The following FSTL5 variants were observed in gnomAD, a reference collection of about 807,000 sequenced individuals.
The protein encoded by FSTL5 is follistatin-related protein 5.
A neutral mutation model predicts 89.1 loss-of-function variants in FSTL5; 62 were observed. That is an observed-to-expected ratio of 0.70 (90% CI 0.57 to 0.86). FSTL5 has a LOEUF of 0.86. Among genes scored for constraint, FSTL5 ranks in the 40% least tolerant of loss-of-function variants. FSTL5 has a pLI of 0.00. For synonymous variants in FSTL5, 383 were observed against 346.2 expected, an observed-to-expected ratio of 1.11 and a Z score of -1.18; for missense variants, 1,057 against 1,001.6, an observed-to-expected ratio of 1.06 and a Z score of -0.75.
intron 2 of FSTL5, among the ~76,000 whole-genome samples, chr4:162,078,526 T>G (rs1237165500): frequency 6.6e-6 from 1 of 151,790 alleles, no homozygotes; most frequent in Non-Finnish European, 1.5e-5. Flanking sequence ...TCTCCCAGAG[T>G]GCCAGGAAAC....
intron 4 of FSTL5, among the ~76,000 whole-genome samples, chr4:161,776,424 T>C (rs543572996): frequency 2.6e-4 from 40 of 152,150 alleles, no homozygotes; most frequent in African/African-American, 5.3e-4. Context: ...TATTTCTGTA[T>C]TGATAGTTTT....
intron 7 of FSTL5, among the ~76,000 whole-genome samples, chr4:161,587,818 C>A (rs564931068): frequency 6.6e-6 from 1 of 152,098 alleles, no homozygotes; most frequent in Non-Finnish European, 1.5e-5. Context: ...ATTTGAAATG[C>A]ATGTTTAATA....
chr4:161,489,534 C>T (rs1369390718), intron 12 of FSTL5, among the ~76,000 whole-genome samples: 1 of 151,686 alleles, frequency 6.6e-6, no homozygotes, highest in African/African-American at 2.4e-5. Context: ...TAATTTAAAC[C>T]TAGTATGGAT....
At chr4:161,808,368 C>T (rs1317632771) in intron 4 of FSTL5, among the ~76,000 whole-genome samples, 1 of 152,038 alleles carries the variant, frequency 6.6e-6, no homozygotes, top group Non-Finnish European at 1.5e-5. Context: ...GTACAGAGTC[C>T]CTGTACAGAT....
intron 8 of FSTL5, among the ~76,000 whole-genome samples, chr4:161,568,385 G>A (rs1333360273): frequency 6.6e-6 from 1 of 152,160 alleles, no homozygotes; most frequent in Non-Finnish European, 1.5e-5. Flanking sequence ...TTTTGAAATA[G>A]CTTCAGCGGG....
chr4:161,754,262 C>T (rs1740500310), intron 6 of FSTL5, among the ~76,000 whole-genome samples: 1 of 151,764 alleles, frequency 6.6e-6, no homozygotes, highest in South Asian at 2.1e-4. Context: ...ATTTTTATGC[C>T]TGCTAGAAAC....
chr4:161,692,556 C>A (rs1737979046), intron 6 of FSTL5, among the ~76,000 whole-genome samples: 1 of 152,004 alleles, frequency 6.6e-6, no homozygotes, highest in Non-Finnish European at 1.5e-5. Context: ...CTAATCTAAT[C>A]TGATTGGTGT....
chr4:161,780,686 C>T (rs1354754063), intron 4 of FSTL5, among the ~76,000 whole-genome samples: 1 of 152,202 alleles, frequency 6.6e-6, no homozygotes, highest in East Asian at 1.9e-4. Context: ...CAAATGCCTG[C>T]ACCTGTATAG....
intron 11 of FSTL5, 77 bp from the exon 12 acceptor site, chr4:161,500,211 A>G: frequency 3.2e-6 from 3 of 928,424 alleles, no homozygotes; most frequent in African/African-American, 1.7e-5. Flanking sequence ...AGTGCCTCTC[A>G]TATCTTTAGC....
Position 161,871,995 on chromosome 4 carries a change from A to C in FSTL5, c.409+48409T>G, listed in dbSNP as rs556764092. On this transcript the variant is annotated intron_variant, in intron 4 of 15. Coordinates refer to ENST00000306100, the MANE Select transcript of FSTL5 (RefSeq NM_020116.5). ...AAAAACATAATAAAATAATTTTTTTAATTTTTTTTTTTTTTAGACAGGGTC... is the reference window on the plus strand; with the variant it reads ...AAAAACATAATAAAATAATTTTTTTCATTTTTTTTTTTTTTAGACAGGGTC... Among the ~76,000 whole-genome samples, 22 of 48,906 alleles carry C rather than the reference A, an allele frequency of 4.5e-4. No individual in the cohort carries two copies. In the South Asian group the frequency reaches 0.036, roughly 80 times the overall value. The allele number at this position is 48,906 out of a possible 152,430, so 32.1% of individuals were successfully genotyped here. A position where few individuals can be genotyped will look rare whatever the true frequency, so the allele number is the denominator to read the frequency against.
At chr4:161,784,398 C>T (rs1741805821) in intron 4 of FSTL5, among the ~76,000 whole-genome samples, 1 of 151,546 alleles carries the variant, frequency 6.6e-6, no homozygotes, top group Non-Finnish European at 1.5e-5. Flanking sequence ...ATAAATTTGA[C>T]CTTTTTTTAA....
At chr4:161,924,018 GT>G (rs1282680480) in intron 3 of FSTL5, among the ~76,000 whole-genome samples, 2 of 151,738 alleles carry the variant, frequency 1.3e-5, no homozygotes, top group Admixed American at 1.3e-4. Flanking sequence ...CCGAACTTAA[GT>G]TTCAGCTGAG....
At chr4:161,448,985 C>T (rs376261156) in intron 15 of FSTL5, among the ~76,000 whole-genome samples, 64 of 152,180 alleles carry the variant, frequency 4.2e-4, no homozygotes, top group Middle Eastern at 3.4e-3. Flanking sequence ...ATAACAAAAC[C>T]TTTTGAACAC....
chr4:161,710,671 G>T (rs1386661698), intron 6 of FSTL5, among the ~76,000 whole-genome samples: 4 of 152,160 alleles, frequency 2.6e-5, no homozygotes, highest in South Asian at 2.1e-4. Flanking sequence ...TTGTGCAAAA[G>T]AAAAAAATAT....
At chr4:161,857,294 G>C (rs1033180876) in intron 4 of FSTL5, among the ~76,000 whole-genome samples, 2 of 152,140 alleles carry the variant, frequency 1.3e-5, no homozygotes, top group Admixed American at 6.6e-5. Flanking sequence ...TGTATCTGCT[G>C]ACAGATTGCA....
intron 12 of FSTL5, among the ~76,000 whole-genome samples, chr4:161,492,079 T>C (rs1241427367): frequency 6.6e-6 from 1 of 152,214 alleles, no homozygotes; most frequent in Non-Finnish European, 1.5e-5. Context: ...TAAAACAGCC[T>C]AGTTTCCTGA....
intron 1 of FSTL5, among the ~76,000 whole-genome samples, chr4:162,114,548 A>T (rs767947377): frequency 2.1e-3 from 276 of 133,960 alleles, no homozygotes; most frequent in South Asian, 9.9e-3. Flanking sequence ...ACACACACAC[A>T]CACACACACA....
chr4:162,080,653 T>A (rs1316427496), intron 2 of FSTL5, among the ~76,000 whole-genome samples: 1 of 151,820 alleles, frequency 6.6e-6, no homozygotes, highest in East Asian at 1.9e-4. Context: ...GACGTATTTC[T>A]AATTTCATTA....
intron 6 of FSTL5, among the ~76,000 whole-genome samples, chr4:161,734,238 T>A: frequency 6.6e-6 from 1 of 152,118 alleles, no homozygotes; most frequent in East Asian, 1.9e-4. Context: ...TAAGTAAAAT[T>A]TAGATGCCAA....
Sources: allele counts gnomAD v4.1 joint callset (sites outside exome capture counted in the v4.1 genomes callset), GRCh38; gene constraint gnomAD v4.1.1; transcripts MANE v1.5; gene names NCBI Gene and HGNC (gene_info 2026-07-23, HGNC 2026-07-21).